Variants in ESRRG observed in about 807,000 individuals in gnomAD.
The protein encoded by ESRRG is estrogen-related receptor gamma.
In ESRRG, 13 loss-of-function variants were observed where a neutral mutation model predicts 44.0. The ratio of observed to expected loss-of-function variants is 0.30; its 90% CI spans 0.19 to 0.47. The LOEUF (loss-of-function observed/expected upper bound fraction) is 0.47. Among genes scored for constraint, ESRRG ranks in the 20% least tolerant of loss-of-function variants. The pLI, the probability that ESRRG is intolerant of heterozygous loss-of-function variation, is 1.00. For synonymous variants in ESRRG, 215 were observed against 214.6 expected (o/e 1.00, Z -0.02); for missense variants, 395 against 580.6 (o/e 0.68, Z 3.29).
intron 1 of ESRRG, among the ~76,000 whole-genome samples, chr1:217,084,501 T>G (rs1403928842): frequency 6.6e-6 from 1 of 152,202 alleles, no homozygotes; most frequent in African/African-American, 2.4e-5. Flanking sequence ...CTCTATAACG[T>G]AGATATCTGG....
intron 1 of ESRRG, among the ~76,000 whole-genome samples, chr1:216,989,828 T>G (rs947582516): frequency 1.1e-4 from 17 of 152,154 alleles, no homozygotes; most frequent in African/African-American, 3.9e-4. Context: ...AAAGTCCTGG[T>G]GAGAAGAAAG....
intron 3 of ESRRG, among the ~76,000 whole-genome samples, chr1:216,641,379 C>T (rs1056503844): frequency 3.9e-5 from 6 of 152,160 alleles, no homozygotes; most frequent in African/African-American, 7.2e-5. Context: ...ATGAGCCACA[C>T]GGATTACATG....
At chr1:216,556,072 T>C (rs560092208) in intron 5 of ESRRG, among the ~76,000 whole-genome samples, 11 of 152,300 alleles carry the variant, frequency 7.2e-5, no homozygotes, top group African/African-American at 2.6e-4. Context: ...TAATCAAGCA[T>C]TTAAGCATAT....
chr1:217,086,825 A>G (rs1465442944), intron 1 of ESRRG, among the ~76,000 whole-genome samples: 1 of 152,214 alleles, frequency 6.6e-6, no homozygotes, highest in Non-Finnish European at 1.5e-5. Flanking sequence ...TTCGGTGTCT[A>G]ATTGAAACCA....
chr1:217,135,367 T>C (rs1174304985), intron 1 of ESRRG, among the ~76,000 whole-genome samples: 1 of 151,828 alleles, frequency 6.6e-6, no homozygotes, highest in Non-Finnish European at 1.5e-5. Flanking sequence ...CAGCTGGAAG[T>C]TGAGGGTAGG....
At chr1:216,917,615 T>C (rs1428912845) in intron 2 of ESRRG, among the ~76,000 whole-genome samples, 1 of 152,176 alleles carries the variant, frequency 6.6e-6, no homozygotes, top group African/African-American at 2.4e-5. Context: ...AGTCCCTTCC[T>C]ACAACTGTCT....
At chr1:216,678,143 T>C (rs1374051478) in intron 1 of ESRRG, among the ~76,000 whole-genome samples, 2 of 152,210 alleles carry the variant, frequency 1.3e-5, no homozygotes, top group Admixed American at 6.5e-5. Context: ...TAAATTGCTC[T>C]ATTTCATAGC....
intron 1 of ESRRG, among the ~76,000 whole-genome samples, chr1:217,054,548 A>G (rs573403149): frequency 6.6e-6 from 1 of 152,344 alleles, no homozygotes; most frequent in Non-Finnish European, 1.5e-5. Context: ...ACTTAACAGC[A>G]TATTTCAGTA....
At chr1:216,539,455 C>A (rs115857246) in intron 5 of ESRRG, among the ~76,000 whole-genome samples, 4 of 151,964 alleles carry the variant, frequency 2.6e-5, no homozygotes, top group Admixed American at 6.6e-5. Context: ...CCCCTTCCCC[C>A]CTACCTTGTT....
intron 1 of ESRRG, among the ~76,000 whole-genome samples, chr1:217,048,870 C>T (rs1178668870): frequency 6.6e-6 from 1 of 152,140 alleles, no homozygotes; most frequent in Non-Finnish European, 1.5e-5. Flanking sequence ...CAACTTGTAG[C>T]CACAGTGGGT....
chr1:216,610,222 T>C (rs867791562), intron 3 of ESRRG, among the ~76,000 whole-genome samples: 52 of 152,036 alleles, frequency 3.4e-4, no homozygotes, highest in African/African-American at 1.2e-3. Flanking sequence ...TTTTTTTTTT[T>C]TTGCTCCAGT....
At chr1:216,846,843 C>T (rs1039111038) in intron 2 of ESRRG, among the ~76,000 whole-genome samples, 3 of 151,952 alleles carry the variant, frequency 2.0e-5, no homozygotes, top group Admixed American at 6.6e-5. Context: ...TTTTATTTGA[C>T]ATTCCCCTTA....
At chr1:216,822,309 G>C (rs1218986353) in intron 2 of ESRRG, among the ~76,000 whole-genome samples, 4 of 152,132 alleles carry the variant, frequency 2.6e-5, no homozygotes, top group African/African-American at 4.8e-5. Context: ...AGTCTGAATA[G>C]ATAATAATCT....
chr1:216,646,632 G>GGTAT (rs1273499624), intron 3 of ESRRG, among the ~76,000 whole-genome samples: 2 of 152,054 alleles, frequency 1.3e-5, no homozygotes, highest in African/African-American at 2.4e-5. Context: ...TAGGCCACAT[G>GGTAT]GTATGCTAAG....
intron 5 of ESRRG, among the ~76,000 whole-genome samples, chr1:216,545,168 T>A (rs1478620259): frequency 1.3e-5 from 2 of 151,776 alleles, no homozygotes; most frequent in African/African-American, 4.8e-5. Context: ...CTGCTTCAGT[T>A]TCACCAGTAG....
rs1221188232 is a variant in ESRRG at position 216,506,858 on chromosome 1, C to T, written c.*81G>A. 6 of 1,495,340 alleles carry T rather than the reference C, an allele frequency of 4.0e-6. No individual in the cohort carries two copies. The highest frequency in any genetic ancestry group is 2.1e-5 in the Admixed American group (1 of 48,002). 92.6% of individuals were successfully genotyped at this position (1,495,340 alleles called of 1,614,324 possible). The stretch of plus-strand genomic sequence containing the variant: ...TTGATTTTTGATGTTGTTAACTAAA[C>T]TCTAAGTTTCTTCGACATCACTCTT... On this transcript the variant is annotated 3_prime_UTR_variant, in exon 7 of 7. Transcript: ENST00000408911.
chr1:216,528,312 AT>A (rs1442943363), intron 5 of ESRRG, among the ~76,000 whole-genome samples: 2 of 152,178 alleles, frequency 1.3e-5, no homozygotes, highest in Non-Finnish European at 2.9e-5. Context: ...TCCTGCCTAA[AT>A]TTATTAACCT....
At chr1:216,981,698 TAAAC>T (rs1301874486) in intron 1 of ESRRG, among the ~76,000 whole-genome samples, 1 of 144,600 alleles carries the variant, frequency 6.9e-6, no homozygotes, top group East Asian at 2.0e-4. Flanking sequence ...CCTAAAGAGT[TAAAC>T]ACACACACAC....
At chr1:216,526,878 T>G (rs2149045882) in intron 5 of ESRRG, among the ~76,000 whole-genome samples, 1 of 152,282 alleles carries the variant, frequency 6.6e-6, no homozygotes, top group African/African-American at 2.4e-5. Context: ...CACTGAGGAA[T>G]GACTCAACTT....
Sources: allele counts gnomAD v4.1 joint callset (sites outside exome capture counted in the v4.1 genomes callset), GRCh38; gene constraint gnomAD v4.1.1; transcripts MANE v1.5; gene names NCBI Gene and HGNC (gene_info 2026-07-23, HGNC 2026-07-21).